PPP2R3A: variants seen among roughly 807,000 people sequenced by gnomAD.
The protein encoded by PPP2R3A is serine/threonine-protein phosphatase 2A regulatory subunit B'' subunit alpha.
In PPP2R3A, 80 loss-of-function variants were observed where a neutral mutation model predicts 106.9. The ratio of observed to expected loss-of-function variants is 0.75; its 90% CI spans 0.62 to 0.90. The LOEUF is 0.90. Among genes scored for constraint, PPP2R3A ranks in the 40% least tolerant of loss-of-function variants. The probability of loss-of-function intolerance (pLI) is 0.00; values close to 1 mark genes in which losing one functional copy is unlikely to be tolerated. For missense variants in PPP2R3A, 1,386 were observed against 1,350.4 expected (o/e 1.03, Z -0.41); for synonymous variants, 483 against 468.3 (o/e 1.03, Z -0.41).
rs150315645 is a variant in PPP2R3A, at chr3:136,111,873, A to G, written c.3329+5551A>G. On this transcript the variant is annotated intron_variant, in intron 13 of 13. Transcript: ENST00000264977. ...AACTTCAGGCCAATATCCTTGATGA[A>G]CATACACACAAAAACCCACAACAAA... Among the ~76,000 whole-genome samples the G allele has an allele frequency of 4.2e-3, 635 of 152,352 alleles. 6 individuals carry two copies. The highest frequency in any genetic ancestry group is 0.015 in the African/African-American group (606 of 41,580).
intron 2 of PPP2R3A, among the ~76,000 whole-genome samples, chr3:136,008,913 C>T (rs1248847654): frequency 6.6e-6 from 1 of 151,936 alleles, no homozygotes; most frequent in Non-Finnish European, 1.5e-5. Context: ...TCTAATATGC[C>T]CTTCATCCTT....
intron 10 of PPP2R3A, among the ~76,000 whole-genome samples, chr3:136,093,245 C>T (rs1937135903): frequency 6.6e-6 from 1 of 152,074 alleles, no homozygotes; most frequent in South Asian, 2.1e-4. Flanking sequence ...CCCGTCTCTA[C>T]CAGAAATACG....
intron 2 of PPP2R3A, among the ~76,000 whole-genome samples, chr3:136,017,530 A>G (rs927572287): frequency 6.6e-6 from 1 of 152,220 alleles, no homozygotes; most frequent in Admixed American, 6.5e-5. Flanking sequence ...ACATTTGTGT[A>G]TAAGTTTTTG....
chr3:136,077,700 G>A (rs540995078), intron 6 of PPP2R3A, among the ~76,000 whole-genome samples: 1 of 152,160 alleles, frequency 6.6e-6, no homozygotes, highest in South Asian at 2.1e-4. Flanking sequence ...CTACACCACA[G>A]CACACACATC....
At chr3:136,074,738 A>G (rs1468452362) in intron 6 of PPP2R3A, among the ~76,000 whole-genome samples, 1 of 152,200 alleles carries the variant, frequency 6.6e-6, no homozygotes, top group East Asian at 1.9e-4. Context: ...TGTAGGCTGA[A>G]ATGCCAGGAT....
intron 3 of PPP2R3A, among the ~76,000 whole-genome samples, chr3:136,031,759 G>A (rs977763611): frequency 2.6e-5 from 4 of 152,140 alleles, no homozygotes; most frequent in African/African-American, 7.2e-5. Context: ...TTTGAAAAGA[G>A]TATGCTTTCC....
intron 13 of PPP2R3A, among the ~76,000 whole-genome samples, chr3:136,112,058 A>G (rs999117551): frequency 6.6e-6 from 1 of 152,202 alleles, no homozygotes; most frequent in African/African-American, 2.4e-5. Context: ...GGTCATCTTA[A>G]TGGACACAGA....
chr3:136,026,989 T>C lies in PPP2R3A; in HGVS notation c.2153T>C (p.Leu718Pro). ...CCACGGTTCTACTTTCCTGAAGGAC[T>C]CCCAGATACCTGTAGTAATCATGAA... ...NIPRFYFPEGLPDTCSNHEQT... is the reference protein window; with the variant it reads ...NIPRFYFPEGPPDTCSNHEQT... Residue 718 changes from leucine (L) to proline (P), a missense_variant, in exon 3 of 14, where the codon CTC (leucine) becomes CCC (proline). Transcript: ENST00000264977. 2 of 1,613,098 alleles carry C rather than the reference T, an allele frequency of 1.2e-6. No homozygotes were observed. The highest frequency in any genetic ancestry group is 1.7e-6 in the Non-Finnish European group (2 of 1,179,080).
intron 2 of PPP2R3A, among the ~76,000 whole-genome samples, chr3:136,013,180 G>GTATGTATGTA (rs1553743235): frequency 1.4e-5 from 2 of 142,168 alleles, no homozygotes. Flanking sequence ...GTGTGTGTGT[G>GTATGTATGTA]TGTATGTATG....
At chr3:136,043,845 C>T (rs1935378855) in intron 4 of PPP2R3A, among the ~76,000 whole-genome samples, 1 of 152,200 alleles carries the variant, frequency 6.6e-6, no homozygotes, top group South Asian at 2.1e-4. Context: ...GCTATGCTTA[C>T]CTTCATTCTT....
intron 13 of PPP2R3A, among the ~76,000 whole-genome samples, chr3:136,119,597 CAT>C (rs778070058): frequency 3.7e-4 from 56 of 152,244 alleles, no homozygotes; most frequent in South Asian, 1.7e-3. Flanking sequence ...AGCCAACAAA[CAT>C]ATGAAAAAAA....
At chr3:136,074,873 A>T (rs1936547756) in intron 6 of PPP2R3A, among the ~76,000 whole-genome samples, 4 of 152,230 alleles carry the variant, frequency 2.6e-5, no homozygotes, top group South Asian at 2.1e-4. Flanking sequence ...AGAAAAAAAA[A>T]TTTTTGTTAG....
At chr3:136,032,554 G>C (rs1934936889) in intron 3 of PPP2R3A, among the ~76,000 whole-genome samples, 1 of 148,922 alleles carries the variant, frequency 6.7e-6, no homozygotes, top group African/African-American at 2.5e-5. Flanking sequence ...CTGAGACGGA[G>C]TCTCGCTCTG....
chr3:136,099,917 T>TA (rs553102059), intron 10 of PPP2R3A, among the ~76,000 whole-genome samples: 1,585 of 125,172 alleles, frequency 0.013, 9 homozygotes, highest in East Asian at 0.034. Flanking sequence ...TAACAGTTCT[T>TA]AAAAAAAAAA....
chr3:136,123,248 A>AT (rs1246316143), intron 13 of PPP2R3A, among the ~76,000 whole-genome samples: 1 of 152,170 alleles, frequency 6.6e-6, no homozygotes, highest in African/African-American at 2.4e-5. Flanking sequence ...CATAGTAATA[A>AT]TTAAAGCAAG....
intron 1 of PPP2R3A, among the ~76,000 whole-genome samples, chr3:135,975,980 A>G (rs1362526551): frequency 6.6e-6 from 1 of 152,164 alleles, no homozygotes; most frequent in Non-Finnish European, 1.5e-5. Context: ...ACAAAATGGT[A>G]TCTCCTTGTT....
intron 13 of PPP2R3A, among the ~76,000 whole-genome samples, chr3:136,123,071 G>A (rs1053658841): frequency 4.0e-5 from 6 of 151,172 alleles, no homozygotes. Context: ...ATGACCAGTT[G>A]CTGTGTTAAT....
intron 13 of PPP2R3A, among the ~76,000 whole-genome samples, chr3:136,122,182 A>G (rs114467995): frequency 9.4e-4 from 143 of 152,286 alleles, no homozygotes; most frequent in African/African-American, 3.3e-3. Flanking sequence ...ATAGCTGGGC[A>G]CGGTGACTCA....
intron 11 of PPP2R3A, among the ~76,000 whole-genome samples, chr3:136,102,835 A>G (rs1937412304): frequency 6.6e-6 from 1 of 152,182 alleles, no homozygotes; most frequent in African/African-American, 2.4e-5. Flanking sequence ...TTTTTTAAAA[A>G]GAAAATGAAA....
Sources: gnomAD v4.1 joint callset for allele counts (sites outside exome capture counted in the v4.1 genomes callset) on GRCh38, gnomAD v4.1.1 for gene constraint, MANE v1.5 for transcripts, NCBI Gene and HGNC (gene_info 2026-07-23, HGNC 2026-07-21) for gene names.